Variants in BET1 observed in about 807,000 individuals in gnomAD.
BET1 encodes Bet1 golgi vesicular membrane trafficking protein, also known as BET1 homolog.
A neutral mutation model predicts 13.9 loss-of-function variants in BET1; 9 were observed. That is an observed-to-expected ratio of 0.65 (90% confidence interval 0.39 to 1.13). BET1 has a LOEUF of 1.13. Ranked by LOEUF, BET1 falls within the 50% of genes most tolerant of loss-of-function variation. The pLI, the probability that BET1 is intolerant of heterozygous loss-of-function variation, is 0.01. For missense variants in BET1, 127 were observed against 133.6 expected (o/e 0.95, Z 0.24); for synonymous variants, 39 against 47.3 (o/e 0.82, Z 0.72).
Position 93,994,090 on chromosome 7 carries a change from TAAA to T in BET1, c.*137_*139del. 2 of 1,441,322 alleles carry T rather than the reference TAAA, an allele frequency of 1.4e-6. No homozygotes were observed. The highest frequency in any genetic ancestry group is 3.1e-5 in the South Asian group (2 of 65,224). The allele number at this position is 1,441,322 out of a possible 1,614,324, so 89.3% of individuals were successfully genotyped here. On this transcript the variant is annotated 3_prime_UTR_variant, in exon 4 of 4. Transcript: ENST00000222547. ...CCACTGTATTAACTAATGTGATTTA[TAAA>T]ATAAGCAAAATTCAGCAATTTTCAA...
At chr7:93,986,239 G>T (rs1332456333) in intron 4 of BET1, among the ~76,000 whole-genome samples, 1 of 152,108 alleles carries the variant, frequency 6.6e-6, no homozygotes, top group South Asian at 2.1e-4. Flanking sequence ...GAATTAAATG[G>T]TATCTCATTT....
At chr7:93,973,054 C>T (rs1381194512) in intron 5 of BET1, among the ~76,000 whole-genome samples, 2 of 151,780 alleles carry the variant, frequency 1.3e-5, no homozygotes, top group Non-Finnish European at 2.9e-5. Flanking sequence ...ATCAGGAATA[C>T]AAAGGAGAAC....
At chr7:93,964,437 A>G (rs1222157111) in exon 7 of BET1, 1 of 152,064 alleles carries the variant, frequency 6.6e-6, no homozygotes, top group South Asian at 2.1e-4. Flanking sequence ...GCTGCAAAGG[A>G]TATGATTTCA....
In BET1 at chr7:94,004,272, A is replaced by C; in HGVS notation, c.-56T>G. On this transcript the variant is annotated 5_prime_UTR_variant, in exon 1 of 4. Transcript: ENST00000222547. ...GCGGGGCTTTGGGTGAGTAGGAAAC[A>C]GCTAGGGGCGACCCGGACCGCGTCT... The C allele has an allele frequency of 6.2e-7, 1 of 1,612,750 alleles. No homozygotes were observed. Among genetic ancestry groups the C allele is most frequent in the Non-Finnish European group, 8.5e-7 (1 of 1,178,836 alleles).
chr7:93,989,728 C>T (rs991051921), downstream of BET1, among the ~76,000 whole-genome samples: 3 of 152,316 alleles, frequency 2.0e-5, no homozygotes, highest in South Asian at 4.1e-4. Flanking sequence ...ATTTTGAAGA[C>T]AAAAGAGTGT....
intron 4 of BET1, among the ~76,000 whole-genome samples, chr7:93,985,589 G>A (rs887829152): frequency 2.6e-5 from 4 of 152,076 alleles, no homozygotes; most frequent in South Asian, 2.1e-4. Flanking sequence ...GTATTGTAAT[G>A]TATTCAAACT....
At chr7:93,965,105 T>G (rs1227239380) in exon 7 of BET1, 2 of 152,102 alleles carry the variant, frequency 1.3e-5, no homozygotes, top group Non-Finnish European at 2.9e-5. Context: ...GAGCTACACA[T>G]GTTGGCTGGT....
chr7:93,993,576 T>A lies in BET1; in HGVS notation c.*654A>T. The A allele has an allele frequency of 9.3e-7, 1 of 1,075,004 alleles. No homozygotes were observed. The highest frequency in any genetic ancestry group is 1.1e-6 in the Non-Finnish European group (1 of 886,694). 66.6% of individuals were successfully genotyped at this position (1,075,004 alleles called of 1,614,324 possible). A position where few individuals can be genotyped will look rare whatever the true frequency, so the allele number is the denominator to read the frequency against. Reference sequence around the variant, plus strand: ...GTCAAGAGAATTCATAAAGTTAATATGAAATAATAACTATACTGATACACA... The same window carrying A: ...GTCAAGAGAATTCATAAAGTTAATAAGAAATAATAACTATACTGATACACA... On this transcript the variant is annotated 3_prime_UTR_variant, in exon 4 of 4. Transcript: ENST00000222547.
intron 4 of BET1, among the ~76,000 whole-genome samples, chr7:93,980,156 A>G (rs947651859): frequency 7.2e-5 from 11 of 152,192 alleles, no homozygotes; most frequent in African/African-American, 2.4e-4. Flanking sequence ...CCCAACAAAG[A>G]AAAGCCCAGG....
intron 2 of BET1, among the ~76,000 whole-genome samples, chr7:93,996,738 T>C (rs1795779744): frequency 6.7e-6 from 1 of 150,130 alleles, no homozygotes; most frequent in East Asian, 1.9e-4. Flanking sequence ...TTTTAACTTA[T>C]TTTAGGTTTG....
intron 4 of BET1, chr7:93,976,148 A>G (rs1391438099): frequency 8.9e-7 from 1 of 1,120,924 alleles, no homozygotes; most frequent in African/African-American, 1.6e-5. Context: ...TTGAAAAAAC[A>G]AAACAAAACA....
downstream of BET1, among the ~76,000 whole-genome samples, chr7:93,990,826 T>A (rs1040306348): frequency 4.6e-5 from 7 of 152,118 alleles, no homozygotes; most frequent in Non-Finnish European, 5.9e-5. Context: ...TCACATCTAG[T>A]ATATGCTTGT....
At chr7:93,966,602 C>T (rs1448115726) in intron 6 of BET1, among the ~76,000 whole-genome samples, 1 of 147,292 alleles carries the variant, frequency 6.8e-6, no homozygotes, top group Non-Finnish European at 1.5e-5. Flanking sequence ...GGAAAAATTC[C>T]TCTTTTTTTT....
chr7:93,987,086 CAT>C (rs1331485099), intron 4 of BET1: 1 of 145,118 alleles, frequency 6.9e-6, no homozygotes, highest in Non-Finnish European at 1.5e-5. Flanking sequence ...CTGAAACAGA[CAT>C]AGAAAAAAAA....
chr7:93,991,339 A>C (rs1209509143), downstream of BET1, among the ~76,000 whole-genome samples: 4 of 152,184 alleles, frequency 2.6e-5, no homozygotes, highest in African/African-American at 9.6e-5. Flanking sequence ...ATGTCATCTG[A>C]AGTTTCTCTA....
chr7:93,972,429 G>C (rs1283508089), intron 6 of BET1: 10 of 151,910 alleles, frequency 6.6e-5, no homozygotes, highest in Admixed American at 6.6e-4. Flanking sequence ...TGTGAGGTAT[G>C]TGTTACTTTC....
At chr7:93,998,310 G>C (rs1391069124) in intron 2 of BET1, among the ~76,000 whole-genome samples, 1 of 152,168 alleles carries the variant, frequency 6.6e-6, no homozygotes, top group African/African-American at 2.4e-5. Context: ...TATTCTAAAC[G>C]AGGACTGTGG....
chr7:93,991,972 G>A, downstream of BET1: 4 of 985,182 alleles, frequency 4.1e-6, no homozygotes, highest in Non-Finnish European at 4.8e-6. Flanking sequence ...GTTTTTCATG[G>A]GGACAGGTGC....
intron 2 of BET1, among the ~76,000 whole-genome samples, chr7:93,998,851 A>G (rs1055375136): frequency 7.3e-6 from 1 of 136,322 alleles, no homozygotes; most frequent in Non-Finnish European, 1.7e-5. Context: ...TTAGAAGGCT[A>G]GATTAAAAAA....
Sources: allele counts gnomAD v4.1 joint callset (sites outside exome capture counted in the v4.1 genomes callset), GRCh38; gene constraint gnomAD v4.1.1; transcripts MANE v1.5; gene names NCBI Gene and HGNC (gene_info 2026-07-23, HGNC 2026-07-21).